The following ADORA2B variants were observed in gnomAD, a reference collection of about 807,000 sequenced individuals.
ADORA2B encodes adenosine A2b receptor.
Under a neutral mutation model 20.8 loss-of-function variants are expected in ADORA2B, and 18 were observed. That is an observed-to-expected ratio of 0.87 (90% CI 0.60 to 1.29). ADORA2B has a LOEUF of 1.29. Among genes scored for constraint, ADORA2B ranks in the 50% most tolerant of loss-of-function variants. The probability of loss-of-function intolerance (pLI) is 0.00; values close to 1 mark genes in which losing one functional copy is unlikely to be tolerated. For synonymous variants in ADORA2B, 179 were observed against 178.3 expected (o/e 1.00, Z -0.03); for missense variants, 441 against 422.7 (o/e 1.04, Z -0.38).
At chr17:15,888,966 G>A in the ADORA2B span, among the ~76,000 whole-genome samples, 2 of 104,448 alleles carry the variant, frequency 1.9e-5, no homozygotes, top group Middle Eastern at 4.9e-3. Flanking sequence ...AGGTTCAAGC[G>A]ATTCTCCTGC....
In ADORA2B at chr17:15,945,229, G is replaced by A. The variant is rs906020744; in HGVS notation, c.-20G>A. 2.0e-5 allele frequency: 28 copies of A among 1,385,714 alleles called. No homozygotes were observed. In the East Asian group the frequency reaches 7.4e-4, roughly 37 times the overall value. The allele number at this position is 1,385,714 out of a possible 1,614,324, so 85.8% of individuals were successfully genotyped here. A position where few individuals can be genotyped will look rare whatever the true frequency, so the allele number is the denominator to read the frequency against. On this transcript the variant is annotated 5_prime_UTR_variant, in exon 1 of 2. Transcript: ENST00000304222. The stretch of plus-strand genomic sequence containing the variant: ...GGCGCGCCTTCGGTAGGGGGCGCCC[G>A]GGGCCCAGCTGGCCCGGCCATGCTG...
At chr17:15,955,750 G>A (rs1034115889) in intron 1 of ADORA2B, among the ~76,000 whole-genome samples, 3 of 129,664 alleles carry the variant, frequency 2.3e-5, no homozygotes, top group Non-Finnish European at 4.8e-5. Flanking sequence ...ATGGAATCTT[G>A]TTCTGTCACC....
the ADORA2B span, among the ~76,000 whole-genome samples, chr17:15,875,176 A>G: frequency 5.3e-5 from 8 of 152,120 alleles, no homozygotes; most frequent in Non-Finnish European, 1.2e-4. Flanking sequence ...TGTTCCCATA[A>G]TCAAGTCTGC....
the ADORA2B span, among the ~76,000 whole-genome samples, chr17:15,939,977 C>G: frequency 6.6e-6 from 1 of 151,384 alleles, no homozygotes; most frequent in Admixed American, 6.6e-5. Flanking sequence ...TAATGTGCTT[C>G]TATATTTATC....
At chr17:15,881,342 C>T in the ADORA2B span, among the ~76,000 whole-genome samples, 2 of 152,186 alleles carry the variant, frequency 1.3e-5, no homozygotes, top group Non-Finnish European at 2.9e-5. Context: ...ACCTCGTGAT[C>T]CATCTGCCTC....
chr17:15,975,229 G>C lies in ADORA2B; in HGVS notation c.886G>C (p.Asp296His), dbSNP rs757998635. The C allele has an allele frequency of 8.7e-6, 14 of 1,613,816 alleles. No homozygotes were observed. Among genetic ancestry groups the C allele is most frequent in the African/African-American group, 2.7e-5 (2 of 74,892 alleles). Residue 296 changes from aspartate (D) to histidine (H), a missense_variant, in exon 2 of 2, where the codon GAC (aspartate) becomes CAC (histidine). Transcript: ENST00000304222. ...CATTGTCTATGCTTACCGGAACCGAGACTTCCGCTACACTTTTCACAAAAT... is the reference window on the plus strand; with the variant it reads ...CATTGTCTATGCTTACCGGAACCGACACTTCCGCTACACTTTTCACAAAAT... ...NPIVYAYRNR[D>H]FRYTFHKIIS...
intron 1 of ADORA2B, among the ~76,000 whole-genome samples, chr17:15,950,686 C>T (rs1460543353): frequency 6.6e-6 from 1 of 152,196 alleles, no homozygotes; most frequent in Non-Finnish European, 1.5e-5. Flanking sequence ...TAAGCCACAT[C>T]ATACCGTTCC....
intron 1 of ADORA2B, among the ~76,000 whole-genome samples, chr17:15,972,057 T>TATC (rs1420298424): frequency 6.6e-6 from 1 of 152,158 alleles, no homozygotes; most frequent in African/African-American, 2.4e-5. Context: ...ATACCACAGG[T>TATC]ATCAGATAAG....
At chr17:15,920,393 C>A in the ADORA2B span, among the ~76,000 whole-genome samples, 1 of 152,182 alleles carries the variant, frequency 6.6e-6, no homozygotes, top group Non-Finnish European at 1.5e-5. Flanking sequence ...GTTTCTGTTC[C>A]CCTTATGACA....
At chr17:15,860,793 G>GT in the ADORA2B span, 2 of 166,664 alleles carry the variant, frequency 1.2e-5, no homozygotes, top group African/African-American at 4.8e-5. Flanking sequence ...CTCTTCTTCA[G>GT]GAATAGGTGA....
the ADORA2B span, among the ~76,000 whole-genome samples, chr17:15,912,686 C>T: frequency 2.0e-5 from 3 of 152,220 alleles, no homozygotes; most frequent in East Asian, 5.8e-4. Context: ...GTGGTTCACA[C>T]ATGCATATGC....
the ADORA2B span, among the ~76,000 whole-genome samples, chr17:15,908,066 C>T: frequency 5.9e-5 from 9 of 152,086 alleles, no homozygotes; most frequent in Non-Finnish European, 1.3e-4. Context: ...TCATCTTAAT[C>T]GTTAAATTAT....
chr17:15,960,157 A>C (rs966600158), intron 1 of ADORA2B, among the ~76,000 whole-genome samples: 1 of 152,152 alleles, frequency 6.6e-6, no homozygotes, highest in Admixed American at 6.5e-5. Context: ...AGTCCTAGCT[A>C]TTCAGGAGGC....
the ADORA2B span, among the ~76,000 whole-genome samples, chr17:15,869,597 G>T: frequency 6.6e-6 from 1 of 152,088 alleles, no homozygotes; most frequent in Non-Finnish European, 1.5e-5. Flanking sequence ...TTAAAAGGGA[G>T]AAATAAAACC....
the ADORA2B span, among the ~76,000 whole-genome samples, chr17:15,932,746 C>G: frequency 6.6e-6 from 1 of 152,110 alleles, no homozygotes; most frequent in African/African-American, 2.4e-5. Context: ...TGTCAAATAT[C>G]AATTGACCAT....
chr17:15,957,438 G>C (rs115311614), intron 1 of ADORA2B, among the ~76,000 whole-genome samples: 2 of 152,286 alleles, frequency 1.3e-5, no homozygotes, highest in African/African-American at 4.8e-5. Flanking sequence ...GCACATAGTC[G>C]TGTGCTTCTG....
chr17:15,869,637 G>A, the ADORA2B span, among the ~76,000 whole-genome samples: 1 of 152,164 alleles, frequency 6.6e-6, no homozygotes, highest in Non-Finnish European at 1.5e-5. Context: ...TGGGATGACA[G>A]CGTCAGGAAT....
intron 1 of ADORA2B, among the ~76,000 whole-genome samples, chr17:15,954,009 C>T (rs775398067): frequency 1.3e-4 from 19 of 151,402 alleles, no homozygotes; most frequent in Non-Finnish European, 2.2e-4. Flanking sequence ...GACAGAGTCT[C>T]GCTCTGTCGC....
chr17:15,928,685 C>T, the ADORA2B span, among the ~76,000 whole-genome samples: 96 of 152,204 alleles, frequency 6.3e-4, no homozygotes, highest in Non-Finnish European at 1.2e-3. Flanking sequence ...GCCAGGACTC[C>T]GTGAAGGTGG....
Sources: gnomAD v4.1 joint callset for allele counts (sites outside exome capture counted in the v4.1 genomes callset) on GRCh38, gnomAD v4.1.1 for gene constraint, MANE v1.5 for transcripts, NCBI Gene and HGNC (gene_info 2026-07-23, HGNC 2026-07-21) for gene names.